The following KCNAB2 variants were observed in gnomAD, a reference collection of about 807,000 sequenced individuals.
KCNAB2 encodes voltage-gated potassium channel subunit beta-2.
Under a neutral mutation model 63.6 loss-of-function variants are expected in KCNAB2, and 29 were observed. The ratio of observed to expected loss-of-function variants is 0.46; its 90% CI spans 0.34 to 0.62. The LOEUF (loss-of-function observed/expected upper bound fraction) is 0.62, where lower values mean the gene tolerates loss of function less well. Ranked by LOEUF, KCNAB2 falls within the 20% of genes least tolerant of loss-of-function variation. KCNAB2 has a pLI of 0.01. For missense variants in KCNAB2, 359 were observed against 563.9 expected (o/e 0.64, Z 3.68); for synonymous variants, 222 against 224.2 (o/e 0.99, Z 0.09).
At position 6,064,717 on chromosome 1, in the gene KCNAB2, C is replaced by G. The variant is rs566869602; in HGVS notation, c.219-8038C>G. 2.6e-5 allele frequency among the ~76,000 whole-genome samples: 4 copies of G among 152,298 alleles called. No individual in the cohort carries two copies. In the South Asian group the frequency reaches 6.2e-4, roughly 24 times the overall value. ...AGGGGTGGGCTGTGCATAGGGTTGCCTATCCCCCGTCACCCCACCACCTTC... is the reference window on the plus strand; with the variant it reads ...AGGGGTGGGCTGTGCATAGGGTTGCGTATCCCCCGTCACCCCACCACCTTC... On this transcript the variant is annotated intron_variant, in intron 2 of 15. Coordinates refer to ENST00000378083, the MANE Select transcript of KCNAB2 (RefSeq NM_001199862.2).
intron 1 of KCNAB2, among the ~76,000 whole-genome samples, chr1:6,000,306 A>G (rs1182711240): frequency 6.6e-6 from 1 of 152,198 alleles, no homozygotes; most frequent in Non-Finnish European, 1.5e-5. Context: ...TGCTCCTACA[A>G]AGGAAACAGG....
At chr1:6,076,277 G>A (rs1438887467) in intron 4 of KCNAB2, among the ~76,000 whole-genome samples, 1 of 152,238 alleles carries the variant, frequency 6.6e-6, no homozygotes, top group Non-Finnish European at 1.5e-5. Context: ...GCACAGGGCA[G>A]AGTCCACAGT....
At position 6,015,029 on chromosome 1, in the gene KCNAB2, T is replaced by TTG. The variant is rs1553212812; in HGVS notation, c.-53+22242_-53+22243insGT. Reference sequence around the variant, plus strand: ...GGGGTCACCTTCCTTTTTTTTTTTTTTTTTTTTTTTTTTGTTTTTTGAGAT... The same window carrying TTG: ...GGGGTCACCTTCCTTTTTTTTTTTTTTGTTTTTTTTTTTTTGTTTTTTGAGAT... On this transcript the variant is annotated intron_variant, in intron 1 of 16. Coordinates refer to the KCNAB2 transcript ENST00000341524. Among the ~76,000 whole-genome samples the TTG allele has an allele frequency of 2.1e-5, 3 of 141,282 alleles. No individual in the cohort carries two copies. The East Asian group carries it at 6.1e-4, about 29-fold the overall frequency. The allele number at this position is 141,282 out of a possible 152,430, so 92.7% of individuals were successfully genotyped here.
intron 2 of KCNAB2, among the ~76,000 whole-genome samples, chr1:6,068,646 C>T (rs528587262): frequency 2.0e-5 from 3 of 152,310 alleles, no homozygotes; most frequent in East Asian, 1.9e-4. Context: ...CGGGCACCCC[C>T]GCCCCGGGCC....
At chr1:6,044,606 G>A (rs1356528663), upstream of KCNAB2, among the ~76,000 whole-genome samples, 1 of 152,154 alleles carries the variant, frequency 6.6e-6, no homozygotes, top group Non-Finnish European at 1.5e-5. Context: ...GGCCTCGAAT[G>A]CCTAGCGATG....
chr1:6,081,645 G>A (rs1227029250), intron 4 of KCNAB2, among the ~76,000 whole-genome samples: 3 of 151,864 alleles, frequency 2.0e-5, no homozygotes, highest in Non-Finnish European at 4.4e-5. Flanking sequence ...TCAGCTCCTG[G>A]GGGTTGCCAA....
At chr1:6,088,235 T>TA (rs1664875760) in intron 7 of KCNAB2, among the ~76,000 whole-genome samples, 2 of 144,232 alleles carry the variant, frequency 1.4e-5, no homozygotes, top group Admixed American at 1.4e-4. Flanking sequence ...TCTCTCTCTT[T>TA]TTTTTTTTTT....
chr1:6,096,460 C>T lies in KCNAB2; in HGVS notation c.949-176C>T. 2 of 832,636 alleles carry T rather than the reference C, an allele frequency of 2.4e-6. No homozygotes were observed. The highest frequency in any genetic ancestry group is 3.7e-6 in the Non-Finnish European group (2 of 542,508). 51.6% of individuals were successfully genotyped at this position (832,636 alleles called of 1,614,324 possible). A position where few individuals can be genotyped will look rare whatever the true frequency, so the allele number is the denominator to read the frequency against. On this transcript the variant is annotated intron_variant, in intron 13 of 15. Transcript: ENST00000378083. This position sits in a 1 kb window ranked among gnomAD's most constrained non-coding sequence, Gnocchi z 5.9. Reference sequence around the variant, plus strand: ...CACCAGCCCGTGCCCGGCCCACTGCCCACTCTCCCCTACTTGAGAGGCCTG... The same window carrying T: ...CACCAGCCCGTGCCCGGCCCACTGCTCACTCTCCCCTACTTGAGAGGCCTG...
intron 2 of KCNAB2, among the ~76,000 whole-genome samples, chr1:6,057,770 C>T (rs1661964767): frequency 6.6e-6 from 1 of 152,136 alleles, no homozygotes; most frequent in Non-Finnish European, 1.5e-5. Context: ...CAGCTTGTGG[C>T]CACATCGCTC....
chr1:6,065,384 G>A (rs528923167), intron 2 of KCNAB2, among the ~76,000 whole-genome samples: 32 of 152,332 alleles, frequency 2.1e-4, no homozygotes, highest in Admixed American at 5.2e-4. Flanking sequence ...GACGCTGCCC[G>A]CGCCTCTCCC....
chr1:6,007,696 G>C (rs557739741), intron 1 of KCNAB2: 1 of 152,422 alleles, frequency 6.6e-6, no homozygotes, highest in Admixed American at 6.5e-5. Context: ...TCCTTTTACT[G>C]TGGATGCTTG....
intron 10 of KCNAB2, 39 bp from the exon 11 acceptor site, chr1:6,094,361 G>T (rs1665440691): frequency 1.9e-6 from 3 of 1,543,990 alleles, no homozygotes; most frequent in African/African-American, 2.7e-5. Context: ...CTGAGCCCTG[G>T]CTGCCCCCCA....
intron 6 of KCNAB2, 23 bp downstream of exon 6, chr1:6,085,271 C>A: frequency 6.2e-7 from 1 of 1,611,860 alleles, no homozygotes; most frequent in South Asian, 1.1e-5. Flanking sequence ...CTCTCTGCGG[C>A]CTGTCCCTGG....
At position 6,051,601 on chromosome 1, in the gene KCNAB2, C is replaced by T. The variant is rs1188132429; in HGVS notation, c.65C>T (p.Ala22Val). The change falls in exon 2 of 16, where the codon GCC becomes GTC. Residue 22 changes from alanine to valine, a missense_variant. Physicochemically the swap from Ala to Val is moderately conservative, Grantham distance 64. Around this residue, in one of 2 missense-constraint regions of KCNAB2, gnomAD observed 88 missense variants for 87.8 expected, o/e 1.00. Coordinates refer to ENST00000378083, the MANE Select transcript of KCNAB2 (RefSeq NM_001199862.2). ...SVSSRCHSEWALHPVRQTDTL... is the reference protein window; with the variant it reads ...SVSSRCHSEWVLHPVRQTDTL... ...AGCAGCAGGTGCCACTCTGAATGGG[C>T]CCTGCACCCCGTCCGCCAGACGGAC... 3 of 1,534,946 alleles carry T rather than the reference C, an allele frequency of 2.0e-6. No homozygotes were observed. The highest frequency in any genetic ancestry group is 2.6e-6 in the Non-Finnish European group (3 of 1,146,644).
At chr1:6,005,736 G>A (rs1009449403) in intron 1 of KCNAB2, among the ~76,000 whole-genome samples, 4 of 151,750 alleles carry the variant, frequency 2.6e-5, no homozygotes, top group African/African-American at 7.3e-5. Context: ...CCCCCACGTG[G>A]GGAGACAGGG....
At chr1:6,061,279 C>A (rs1662293065) in intron 2 of KCNAB2, among the ~76,000 whole-genome samples, 1 of 152,238 alleles carries the variant, frequency 6.6e-6, no homozygotes, top group African/African-American at 2.4e-5. Context: ...AGGTTGAAGT[C>A]AACCAGCCAC....
rs191772572 is a variant in KCNAB2 at position 6,096,467 on chromosome 1, C to T, written c.949-169C>T. The T allele has an allele frequency of 5.3e-4, 471 of 892,872 alleles. 1 individual carries two copies. In the African/African-American group the frequency reaches 7.2e-3, roughly 14 times the overall value. 55.3% of individuals were successfully genotyped at this position (892,872 alleles called of 1,614,324 possible). A position where few individuals can be genotyped will look rare whatever the true frequency, so the allele number is the denominator to read the frequency against. Reference sequence around the variant, plus strand: ...CCGTGCCCGGCCCACTGCCCACTCTCCCCTACTTGAGAGGCCTGGGGCAGG... The same window carrying T: ...CCGTGCCCGGCCCACTGCCCACTCTTCCCTACTTGAGAGGCCTGGGGCAGG... On this transcript the variant is annotated intron_variant, in intron 13 of 15. Coordinates refer to ENST00000378083, the MANE Select transcript of KCNAB2 (RefSeq NM_001199862.2). The surrounding 1 kb of genome is among the most constrained non-coding windows in gnomAD (Gnocchi z 5.9).
intron 5 of KCNAB2, among the ~76,000 whole-genome samples, chr1:6,083,215 T>A (rs1010085537): frequency 3.3e-5 from 5 of 152,156 alleles, no homozygotes; most frequent in African/African-American, 9.7e-5. Flanking sequence ...TCCAGACAGA[T>A]GAGCCCAGCG....
intron 1 of KCNAB2, among the ~76,000 whole-genome samples, chr1:6,002,810 G>A (rs556886531): frequency 6.6e-6 from 1 of 152,274 alleles, no homozygotes; most frequent in Non-Finnish European, 1.5e-5. Context: ...AGGAAGAGGA[G>A]GCAGGCGCTT....
Sources: allele counts gnomAD v4.1 joint callset (sites outside exome capture counted in the v4.1 genomes callset), GRCh38; gene constraint gnomAD v4.1.1; regional missense constraint gnomAD v4.1.1; non-coding constraint Gnocchi (gnomAD v3.1); transcripts MANE v1.5; gene names NCBI Gene and HGNC (gene_info 2026-07-23, HGNC 2026-07-21).